The following GNA14 variants were observed in gnomAD, a reference collection of about 807,000 sequenced individuals.
GNA14 encodes guanine nucleotide-binding protein subunit alpha-14.
GNA14 carries 50 observed loss-of-function variants against 42.0 expected under a neutral mutation model. That is an observed-to-expected ratio of 1.19 (90% confidence interval 0.95 to 1.51). The LOEUF (loss-of-function observed/expected upper bound fraction) is 1.51, where lower values mean the gene tolerates loss of function less well. Ranked by LOEUF, GNA14 falls within the 40% of genes most tolerant of loss-of-function variation. GNA14 has a pLI of 0.00. For missense variants in GNA14, 473 were observed against 446.2 expected (o/e 1.06, Z -0.54); for synonymous variants, 173 against 163.1 (o/e 1.06, Z -0.46).
intron 2 of GNA14, among the ~76,000 whole-genome samples, chr9:77,523,246 G>A (rs1587816029): frequency 6.6e-6 from 1 of 152,200 alleles, no homozygotes; most frequent in East Asian, 1.9e-4. Flanking sequence ...TTGGCTCATG[G>A]TTCTGGAGGC....
At position 77,438,625 on chromosome 9, in the gene GNA14, G is replaced by A. The variant is rs181302840; in HGVS notation, c.310-4103C>T. ...GAAATAATATAAGACTTGCAAAGATGTGGGGAAAATGGTACAAAGACTTCT... is the reference window on the plus strand; with the variant it reads ...GAAATAATATAAGACTTGCAAAGATATGGGGAAAATGGTACAAAGACTTCT... On this transcript the variant is annotated intron_variant, in intron 2 of 6. Coordinates refer to ENST00000341700, the MANE Select transcript of GNA14 (RefSeq NM_004297.4). 2.6e-5 allele frequency among the ~76,000 whole-genome samples: 4 copies of A among 152,128 alleles called. 1 individual carries two copies. Among genetic ancestry groups the A allele is most frequent in the Admixed American group, 2.6e-4 (4 of 15,282 alleles).
At chr9:77,485,981 G>A (rs901318126) in intron 2 of GNA14, among the ~76,000 whole-genome samples, 3 of 152,150 alleles carry the variant, frequency 2.0e-5, no homozygotes, top group African/African-American at 7.2e-5. Context: ...CCAACTTAAT[G>A]TCTCCAGCTG....
chr9:77,433,188 C>T (rs1169084441), intron 3 of GNA14, among the ~76,000 whole-genome samples: 1 of 152,092 alleles, frequency 6.6e-6, no homozygotes, highest in East Asian at 1.9e-4. Flanking sequence ...GACAGTGGCA[C>T]CCAAAGGGAA....
At chr9:77,465,377 C>T (rs1836203969) in intron 2 of GNA14, among the ~76,000 whole-genome samples, 1 of 152,146 alleles carries the variant, frequency 6.6e-6, no homozygotes, top group African/African-American at 2.4e-5. Context: ...AATAATATTC[C>T]ATTGTAGGAA....
chr9:77,630,662 A>G (rs901190543), intron 1 of GNA14, among the ~76,000 whole-genome samples: 6 of 152,228 alleles, frequency 3.9e-5, no homozygotes, highest in Admixed American at 2.0e-4. Context: ...TATGCAAAAA[A>G]CTAGATTTAT....
chr9:77,461,322 CA>C (rs1836102199), intron 2 of GNA14, among the ~76,000 whole-genome samples: 2 of 152,220 alleles, frequency 1.3e-5, no homozygotes, highest in Non-Finnish European at 1.5e-5. Context: ...TGCGCCTTAG[CA>C]AGATCCCGGG....
intron 1 of GNA14, among the ~76,000 whole-genome samples, chr9:77,565,463 A>G (rs1351220901): frequency 6.6e-6 from 1 of 152,060 alleles, no homozygotes; most frequent in Non-Finnish European, 1.5e-5. Context: ...ACCTTTTTTT[A>G]AACTTTATTT....
chr9:77,592,055 C>T (rs1394530626), intron 1 of GNA14, among the ~76,000 whole-genome samples: 1 of 152,048 alleles, frequency 6.6e-6, no homozygotes, highest in Non-Finnish European at 1.5e-5. Flanking sequence ...GCTGGGACTA[C>T]AGGCGCCCAC....
At chr9:77,436,131 C>T (rs1269216968) in intron 2 of GNA14, among the ~76,000 whole-genome samples, 2 of 152,178 alleles carry the variant, frequency 1.3e-5, no homozygotes, top group Non-Finnish European at 2.9e-5. Flanking sequence ...GTGAATGAAT[C>T]GATGTGACTT....
chr9:77,514,436 C>A (rs1325020020), intron 2 of GNA14, among the ~76,000 whole-genome samples: 1 of 152,086 alleles, frequency 6.6e-6, no homozygotes, highest in Non-Finnish European at 1.5e-5. Flanking sequence ...GTAAACCCGA[C>A]ATGATTCCCC....
At chr9:77,562,479 G>A (rs1245369646) in intron 1 of GNA14, among the ~76,000 whole-genome samples, 1 of 152,116 alleles carries the variant, frequency 6.6e-6, no homozygotes, top group Non-Finnish European at 1.5e-5. Flanking sequence ...GAAGTAGAAA[G>A]TAACATGAAA....
At chr9:77,565,721 G>T (rs1822957171) in intron 1 of GNA14, among the ~76,000 whole-genome samples, 1 of 152,228 alleles carries the variant, frequency 6.6e-6, no homozygotes, top group African/African-American at 2.4e-5. Context: ...GCCTCTCAAA[G>T]TGCTGGGATT....
At chr9:77,543,242 C>T (rs754056085) in intron 1 of GNA14, among the ~76,000 whole-genome samples, 6 of 152,184 alleles carry the variant, frequency 3.9e-5, no homozygotes, top group African/African-American at 1.4e-4. Flanking sequence ...GTGGGCATGC[C>T]ACCAGGGAGG....
intron 1 of GNA14, among the ~76,000 whole-genome samples, chr9:77,533,011 A>G (rs1477114819): frequency 1.3e-5 from 2 of 152,232 alleles, no homozygotes; most frequent in African/African-American, 2.4e-5. Flanking sequence ...TCCTGGACCC[A>G]ATCCAAAAAG....
chr9:77,428,829 C>T (rs1835496800), intron 5 of GNA14, 78 bp downstream of exon 5: 2 of 1,461,796 alleles, frequency 1.4e-6, no homozygotes, highest in African/African-American at 2.8e-5. Context: ...GGGTCTATTT[C>T]CTGACCCGGC....
chr9:77,530,836 C>T (rs909579365), intron 1 of GNA14, among the ~76,000 whole-genome samples: 2 of 152,172 alleles, frequency 1.3e-5, no homozygotes, highest in African/African-American at 2.4e-5. Context: ...TTGTTTCAGC[C>T]TCCAGAGACA....
chr9:77,620,926 A>G (rs1044035112), intron 1 of GNA14, among the ~76,000 whole-genome samples: 1 of 150,670 alleles, frequency 6.6e-6, no homozygotes, highest in African/African-American at 2.4e-5. Context: ...TTTTAAAATG[A>G]CTTTATTTTT....
intron 2 of GNA14, among the ~76,000 whole-genome samples, chr9:77,494,434 T>A (rs1210898406): frequency 1.3e-5 from 2 of 149,620 alleles, no homozygotes; most frequent in Non-Finnish European, 3.0e-5. Context: ...TTAAAGTAAG[T>A]AAAGAAAATG....
At chr9:77,439,149 G>A (rs962888422) in intron 2 of GNA14, among the ~76,000 whole-genome samples, 5 of 152,208 alleles carry the variant, frequency 3.3e-5, no homozygotes, top group African/African-American at 1.2e-4. Flanking sequence ...CTTTAGTCAA[G>A]ACATTATGAG....
Sources: gnomAD v4.1 joint callset for allele counts (sites outside exome capture counted in the v4.1 genomes callset) on GRCh38, gnomAD v4.1.1 for gene constraint, MANE v1.5 for transcripts, NCBI Gene and HGNC (gene_info 2026-07-23, HGNC 2026-07-21) for gene names.